The following APCDD1 variants were observed in gnomAD, a reference collection of about 807,000 sequenced individuals.
APCDD1 encodes protein APCDD1.
APCDD1 carries 15 observed loss-of-function variants against 38.1 expected under a neutral mutation model. The observed-to-expected ratio is 0.39, with a 90% CI of 0.26 to 0.61. The LOEUF (loss-of-function observed/expected upper bound fraction) is 0.61, where lower values mean the gene tolerates loss of function less well. Ranked by LOEUF, APCDD1 falls within the 20% of genes least tolerant of loss-of-function variation. APCDD1 has a pLI of 0.49. For missense variants in APCDD1, 647 were observed against 696.2 expected (o/e 0.93, Z 0.79); for synonymous variants, 261 against 279.7 (o/e 0.93, Z 0.67).
intron 3 of APCDD1, among the ~76,000 whole-genome samples, chr18:10,480,834 C>T (rs1185032705): frequency 1.3e-5 from 2 of 151,682 alleles, no homozygotes; most frequent in Non-Finnish European, 2.9e-5. Context: ...CATCACTGCA[C>T]TCCAACCTGG....
intron 3 of APCDD1, among the ~76,000 whole-genome samples, chr18:10,483,050 C>A (rs957995757): frequency 3.3e-5 from 5 of 152,190 alleles, no homozygotes; most frequent in African/African-American, 1.2e-4. Flanking sequence ...TCATTTCTTG[C>A]AGCAGTTATG....
intron 1 of APCDD1, among the ~76,000 whole-genome samples, chr18:10,459,986 A>C (rs2030490040): frequency 6.6e-6 from 1 of 152,246 alleles, no homozygotes; most frequent in Non-Finnish European, 1.5e-5. Context: ...TTGACATTAT[A>C]CTTAGTCCTT....
chr18:10,482,056 T>C (rs2031153928), intron 3 of APCDD1, among the ~76,000 whole-genome samples: 1 of 152,066 alleles, frequency 6.6e-6, no homozygotes, highest in South Asian at 2.1e-4. Flanking sequence ...CCCCGAGCCT[T>C]TGCCTTGTCT....
Position 10,471,379 on chromosome 18 carries a change from C to G in APCDD1, c.243-151C>G. 1 of 1,003,436 alleles carries G rather than the reference C, an allele frequency of 1.0e-6. No homozygotes were observed. The highest frequency in any genetic ancestry group is 1.5e-6 in the Non-Finnish European group (1 of 669,970). The allele number at this position is 1,003,436 out of a possible 1,614,324, so 62.2% of individuals were successfully genotyped here. On this transcript the variant is annotated intron_variant, in intron 2 of 4. Coordinates refer to ENST00000355285, the MANE Select transcript of APCDD1 (RefSeq NM_153000.5). The surrounding 1 kb of genome is among the most constrained non-coding windows in gnomAD (Gnocchi z 5.5). Reference sequence around the variant, plus strand: ...TAACTCCTAGGTTGTTGTGAGGAGTCAATGAGTTGGTATCTATAAAGGGCT... The same window carrying G: ...TAACTCCTAGGTTGTTGTGAGGAGTGAATGAGTTGGTATCTATAAAGGGCT...
Position 10,475,303 on chromosome 18 carries a change from C to T in APCDD1, c.774+3242C>T, listed in dbSNP as rs975309666. Among the ~76,000 whole-genome samples, 3 of 152,178 alleles carry T rather than the reference C, an allele frequency of 2.0e-5. No individual in the cohort carries two copies. Among genetic ancestry groups the T allele is most frequent in the Admixed American group, 6.5e-5 (1 of 15,278 alleles). ...AGTTGTGGGAACATTTACCCAGATT[C>T]TTAAGAAATAGACTCTTTAAATCCC... On this transcript the variant is annotated intron_variant, in intron 3 of 4. Transcript: ENST00000355285. The surrounding 1 kb of genome is among the most constrained non-coding windows in gnomAD (Gnocchi z 4.0).
chr18:10,463,707 A>G (rs949249948), intron 1 of APCDD1, among the ~76,000 whole-genome samples: 2 of 152,226 alleles, frequency 1.3e-5, no homozygotes, highest in Non-Finnish European at 2.9e-5. Context: ...CTGAAGCCCT[A>G]AGAGTCAGTT....
intron 1 of APCDD1, among the ~76,000 whole-genome samples, chr18:10,465,774 T>C (rs1315960729): frequency 1.3e-5 from 2 of 152,222 alleles, no homozygotes; most frequent in African/African-American, 4.8e-5. Flanking sequence ...ATCTCGTGAC[T>C]GTTGTTAAGG....
chr18:10,484,047 C>T (rs148289852), intron 3 of APCDD1, among the ~76,000 whole-genome samples: 1 of 152,216 alleles, frequency 6.6e-6, no homozygotes, highest in South Asian at 2.1e-4. Context: ...ACCAGAGAGG[C>T]CTTTCTGTGC....
In APCDD1 at chr18:10,488,419, G is replaced by T; in HGVS notation, c.*381G>T. ...CAACTATCAAGCTACAACTTTTCCTGCCATTTTCCTGTGGTTGCAGCCTGT... is the reference window on the plus strand; with the variant it reads ...CAACTATCAAGCTACAACTTTTCCTTCCATTTTCCTGTGGTTGCAGCCTGT... On this transcript the variant is annotated 3_prime_UTR_variant, in exon 5 of 5. Transcript: ENST00000355285. 5.3e-6 allele frequency: 1 copy of T among 189,748 alleles called. No homozygotes were observed. The highest frequency in any genetic ancestry group is 1.1e-5 in the Non-Finnish European group (1 of 92,056). 11.8% of individuals were successfully genotyped at this position (189,748 alleles called of 1,614,324 possible).
chr18:10,464,620 T>TA (rs2030661685), intron 1 of APCDD1, among the ~76,000 whole-genome samples: 2 of 152,094 alleles, frequency 1.3e-5, no homozygotes, highest in African/African-American at 2.4e-5. Flanking sequence ...GGGGTCTTGT[T>TA]ACCTTGCCCA....
At chr18:10,473,271 T>C (rs1335724795) in intron 3 of APCDD1, among the ~76,000 whole-genome samples, 1 of 152,188 alleles carries the variant, frequency 6.6e-6, no homozygotes, top group Non-Finnish European at 1.5e-5. Context: ...ATGAAATAGC[T>C]ACTGAGAAAG....
At chr18:10,457,156 T>G (rs2030403427) in intron 1 of APCDD1, among the ~76,000 whole-genome samples, 1 of 152,194 alleles carries the variant, frequency 6.6e-6, no homozygotes, top group African/African-American at 2.4e-5. Context: ...CAGACTCTAG[T>G]GCAGAAAATA....
intron 1 of APCDD1, 56 bp from the exon 2 acceptor site, chr18:10,468,413 G>T: frequency 1.3e-6 from 2 of 1,595,084 alleles, no homozygotes; most frequent in Non-Finnish European, 1.7e-6. Flanking sequence ...TGTTTGGCCT[G>T]ATTCATGTCT....
chr18:10,459,855 C>A (rs2030485110), intron 1 of APCDD1, among the ~76,000 whole-genome samples: 1 of 96,634 alleles, frequency 1.0e-5, no homozygotes, highest in Non-Finnish European at 2.1e-5. Context: ...CACAACAATT[C>A]TAACGAGAAC....
At chr18:10,466,342 G>A (rs2030713932) in intron 1 of APCDD1, among the ~76,000 whole-genome samples, 1 of 152,194 alleles carries the variant, frequency 6.6e-6, no homozygotes, top group African/African-American at 2.4e-5. Flanking sequence ...ACGAGGGTGA[G>A]GCACTTGGGG....
chr18:10,479,866 G>C, intron 3 of APCDD1, among the ~76,000 whole-genome samples: 1 of 152,196 alleles, frequency 6.6e-6, no homozygotes, highest in African/African-American at 2.4e-5. Context: ...AGAGTAGGCA[G>C]AACCCCACTC....
intron 1 of APCDD1, among the ~76,000 whole-genome samples, chr18:10,460,132 A>C (rs961965351): frequency 1.3e-5 from 2 of 152,238 alleles, no homozygotes; most frequent in Non-Finnish European, 2.9e-5. Flanking sequence ...ATTATGTGTA[A>C]AATAGATCAG....
rs780549660 is a variant in APCDD1, at chr18:10,484,506, T to C, written c.775-956T>C. On this transcript the variant is annotated intron_variant, in intron 3 of 4. Coordinates refer to ENST00000355285, the MANE Select transcript of APCDD1 (RefSeq NM_153000.5). ...TCTGTGGCACTGATCGCATTCATGT[T>C]ATTATACAACCATCACCACCATCCA... 6.4e-4 allele frequency among the ~76,000 whole-genome samples: 98 copies of C among 152,244 alleles called. 2 individuals are homozygous for C. The highest frequency in any genetic ancestry group is 7.3e-5 in the Non-Finnish European group (5 of 68,034).
intron 1 of APCDD1, among the ~76,000 whole-genome samples, chr18:10,465,090 G>A (rs780480579): frequency 3.9e-5 from 6 of 152,194 alleles, no homozygotes; most frequent in Non-Finnish European, 7.3e-5. Flanking sequence ...GGAGAGTTAA[G>A]TGATTTGTTT....
Sources: allele counts gnomAD v4.1 joint callset (sites outside exome capture counted in the v4.1 genomes callset), GRCh38; gene constraint gnomAD v4.1.1; non-coding constraint Gnocchi (gnomAD v3.1); transcripts MANE v1.5; gene names NCBI Gene and HGNC (gene_info 2026-07-23, HGNC 2026-07-21).